VSNL1: variants seen among roughly 807,000 people sequenced by gnomAD.
VSNL1 encodes visinin-like protein 1.
Under a neutral mutation model 20.4 loss-of-function variants are expected in VSNL1, and 6 were observed. That is an observed-to-expected ratio of 0.29 (90% CI 0.16 to 0.58). The LOEUF is 0.58. Ranked by LOEUF, VSNL1 falls within the 20% of genes least tolerant of loss-of-function variation. The pLI is 0.90. For synonymous variants in VSNL1, 93 were observed against 86.4 expected, an observed-to-expected ratio of 1.08 and a Z score of -0.42; for missense variants, 100 against 234.5, an observed-to-expected ratio of 0.43 and a Z score of 3.75.
intron 2 of VSNL1, among the ~76,000 whole-genome samples, chr2:17,642,608 G>A (rs964483744): frequency 3.9e-5 from 6 of 151,976 alleles, no homozygotes; most frequent in East Asian, 1.9e-4. Context: ...GCGCCCAGCC[G>A]GTGAGCATTC....
intron 1 of VSNL1, among the ~76,000 whole-genome samples, chr2:17,562,976 C>A (rs1435567243): frequency 6.6e-6 from 1 of 152,232 alleles, no homozygotes; most frequent in East Asian, 1.9e-4. Context: ...ACTCTTGGGT[C>A]GGTGACTCAA....
intron 2 of VSNL1, among the ~76,000 whole-genome samples, chr2:17,597,135 G>A (rs1224249175): frequency 6.6e-6 from 1 of 152,180 alleles, no homozygotes; most frequent in Admixed American, 6.5e-5. Context: ...GGGTTTGGGG[G>A]CAGTGGTCAT....
At chr2:17,635,801 G>T (rs1381780640) in intron 2 of VSNL1, among the ~76,000 whole-genome samples, 2 of 152,160 alleles carry the variant, frequency 1.3e-5, no homozygotes, top group African/African-American at 4.8e-5. Context: ...TGTCTCCCAT[G>T]TGCCTGACAC....
intron 1 of VSNL1, among the ~76,000 whole-genome samples, chr2:17,567,157 T>C (rs1375983591): frequency 6.6e-6 from 1 of 152,132 alleles, no homozygotes; most frequent in East Asian, 1.9e-4. Flanking sequence ...TTGAATTGAG[T>C]GTTTATACTA....
intron 1 of VSNL1, among the ~76,000 whole-genome samples, chr2:17,542,822 T>G (rs966946500): frequency 1.3e-5 from 2 of 152,162 alleles, no homozygotes; most frequent in Non-Finnish European, 2.9e-5. Flanking sequence ...GCTCATAGGT[T>G]GACAGAGAGG....
intron 1 of VSNL1, among the ~76,000 whole-genome samples, chr2:17,583,678 G>T (rs1397443776): frequency 6.6e-6 from 1 of 152,220 alleles, no homozygotes; most frequent in Non-Finnish European, 1.5e-5. Flanking sequence ...TCACTCAATG[G>T]TTGATGCTTA....
chr2:17,584,322 T>C (rs764759510), intron 1 of VSNL1, among the ~76,000 whole-genome samples: 10 of 152,150 alleles, frequency 6.6e-5, no homozygotes, highest in Non-Finnish European at 1.3e-4. Context: ...GTATCAAGTA[T>C]GGCTTGGGTC....
At chr2:17,563,612 C>G (rs867390363) in intron 1 of VSNL1, among the ~76,000 whole-genome samples, 2 of 152,136 alleles carry the variant, frequency 1.3e-5, no homozygotes, top group South Asian at 2.1e-4. Context: ...CACCTGTAGT[C>G]CCAGCTATTT....
At chr2:17,568,175 C>A (rs1470900948) in intron 1 of VSNL1, among the ~76,000 whole-genome samples, 3 of 152,118 alleles carry the variant, frequency 2.0e-5, no homozygotes, top group Non-Finnish European at 4.4e-5. Context: ...TATTTTCCTT[C>A]CTTTCTTCTA....
At chr2:17,585,414 A>G (rs1056574988) in intron 1 of VSNL1, among the ~76,000 whole-genome samples, 34 of 151,930 alleles carry the variant, frequency 2.2e-4, no homozygotes, top group African/African-American at 8.2e-4. Context: ...TATGCTGGGC[A>G]ATTTTAAGGC....
chr2:17,541,105 T>C (rs1293663895), intron 1 of VSNL1, 187 bp downstream of exon 1: 1 of 128,218 alleles, frequency 7.8e-6, no homozygotes, highest in African/African-American at 3.0e-5. Flanking sequence ...TTTTGGAATA[T>C]TGGGGGTGGG....
intron 1 of VSNL1, among the ~76,000 whole-genome samples, chr2:17,589,246 G>A: frequency 6.6e-6 from 1 of 152,178 alleles, no homozygotes; most frequent in Non-Finnish European, 1.5e-5. Flanking sequence ...ATCTATAATA[G>A]TTTATAATCA....
At chr2:17,540,446 A>G (rs1429200641), upstream of VSNL1, among the ~76,000 whole-genome samples, 1 of 152,156 alleles carries the variant, frequency 6.6e-6, no homozygotes, top group Non-Finnish European at 1.5e-5. Flanking sequence ...CCCTTTTCCT[A>G]TATACTTTCC....
chr2:17,548,273 T>G (rs1452387592), intron 1 of VSNL1, among the ~76,000 whole-genome samples: 1 of 151,882 alleles, frequency 6.6e-6, no homozygotes, highest in Non-Finnish European at 1.5e-5. Context: ...AAAGAGCATT[T>G]TCAATTTCCT....
chr2:17,588,487 T>G (rs1420017053), intron 1 of VSNL1, among the ~76,000 whole-genome samples: 3 of 152,200 alleles, frequency 2.0e-5, no homozygotes. Context: ...ATTGGGAATG[T>G]GATAAAATGT....
At chr2:17,568,726 G>A (rs1342200313) in intron 1 of VSNL1, among the ~76,000 whole-genome samples, 3 of 151,890 alleles carry the variant, frequency 2.0e-5, no homozygotes, top group Non-Finnish European at 2.9e-5. Flanking sequence ...AGTGTCCTTC[G>A]TCCTGAAGTA....
At position 17,655,153 on chromosome 2, in the gene VSNL1, C is replaced by A. The variant is rs1488490575; in HGVS notation, c.379-44C>A. ...GGAGGCAAGAAGAGCTCTCTGTCCT[C>A]CTGGGTTTCTGGTAATATCACCTAC... On this transcript the variant is annotated intron_variant, in intron 3 of 3. Transcript: ENST00000295156. The surrounding 1 kb of genome is among the most constrained non-coding windows in gnomAD (Gnocchi z 5.2). The A allele has an allele frequency of 6.2e-7, 1 of 1,601,056 alleles. No homozygotes were observed. The highest frequency in any genetic ancestry group is 1.7e-5 in the Admixed American group (1 of 59,734).
chr2:17,549,738 G>C (rs184451602), intron 1 of VSNL1, among the ~76,000 whole-genome samples: 1 of 152,328 alleles, frequency 6.6e-6, no homozygotes, highest in East Asian at 1.9e-4. Flanking sequence ...TAATAAGTCT[G>C]AGTGGTCCTG....
intron 1 of VSNL1, among the ~76,000 whole-genome samples, chr2:17,572,953 T>C (rs556047391): frequency 1.3e-5 from 2 of 152,354 alleles, no homozygotes; most frequent in South Asian, 2.1e-4. Flanking sequence ...TATTCATTCA[T>C]CATCCATTCA....
Sources: gnomAD v4.1 joint callset for allele counts (sites outside exome capture counted in the v4.1 genomes callset) on GRCh38, gnomAD v4.1.1 for gene constraint, Gnocchi (gnomAD v3.1) non-coding constraint, MANE v1.5 for transcripts, NCBI Gene and HGNC (gene_info 2026-07-23, HGNC 2026-07-21) for gene names.